Variants in MAP7 observed in about 807,000 individuals in gnomAD.
MAP7 encodes microtubule associated protein 7, also known as ensconsin.
MAP7 carries 52 observed loss-of-function variants against 94.8 expected under a neutral mutation model. The observed-to-expected ratio is 0.55, with a 90% confidence interval of 0.44 to 0.69. MAP7 has a LOEUF of 0.69. Among genes scored for constraint, MAP7 ranks in the 30% least tolerant of loss-of-function variants. The pLI, the probability that MAP7 is intolerant of heterozygous loss-of-function variation, is 0.00. For synonymous variants in MAP7, 350 were observed against 357.0 expected, an observed-to-expected ratio of 0.98 and a Z score of 0.22; for missense variants, 940 against 964.6, an observed-to-expected ratio of 0.97 and a Z score of 0.34.
At chr6:136,383,805 A>G (rs569791683) in intron 5 of MAP7, 24 bp from the exon 6 acceptor site, 5 of 1,388,774 alleles carry the variant, frequency 3.6e-6, no homozygotes, top group African/African-American at 1.4e-5. Context: ...AGATAATGCT[A>G]ATTGACAGCC....
At chr6:136,374,325 G>A (rs1475458250) in intron 7 of MAP7, among the ~76,000 whole-genome samples, 1 of 152,114 alleles carries the variant, frequency 6.6e-6, no homozygotes, top group African/African-American at 2.4e-5. Flanking sequence ...CCACAACAAG[G>A]CATTTGCATT....
At chr6:136,516,839 C>T (rs1352022389) in intron 1 of MAP7, among the ~76,000 whole-genome samples, 2 of 151,934 alleles carry the variant, frequency 1.3e-5, no homozygotes. Flanking sequence ...ATTTGGCATC[C>T]CCAGTGTAAG....
In MAP7 at chr6:136,504,180, T is replaced by C. The variant is rs116480801; in HGVS notation, c.67+46162A>G. Among the ~76,000 whole-genome samples the C allele has an allele frequency of 4.5e-3, 682 of 152,234 alleles. 7 individuals carry two copies. Among genetic ancestry groups the C allele is most frequent in the African/African-American group, 0.016 (651 of 41,536 alleles). On this transcript the variant is annotated intron_variant, in intron 1 of 17. Coordinates refer to ENST00000354570, the MANE Select transcript of MAP7 (RefSeq NM_003980.6). The stretch of plus-strand genomic sequence containing the variant: ...GATGTATTATTTATAGATATATATA[T>C]GTGGTAAAATTACAGAAATGGGCTG...
intron 1 of MAP7, among the ~76,000 whole-genome samples, chr6:136,453,651 A>T (rs1422802555): frequency 6.6e-6 from 1 of 152,208 alleles, no homozygotes; most frequent in Non-Finnish European, 1.5e-5. Flanking sequence ...AAATTTTTGT[A>T]ATTATGCTTA....
At chr6:136,396,352 T>C (rs537804362) in intron 3 of MAP7, among the ~76,000 whole-genome samples, 32 of 152,162 alleles carry the variant, frequency 2.1e-4, no homozygotes, top group Non-Finnish European at 3.1e-4. Context: ...GATTTCTTTT[T>C]CCACTGGTTT....
intron 10 of MAP7, chr6:136,364,172 G>A (rs188941235): frequency 5.1e-5 from 25 of 487,192 alleles, no homozygotes; most frequent in Admixed American, 1.5e-4. Flanking sequence ...CATAAGGCTC[G>A]GCCCTCATTC....
intron 1 of MAP7, among the ~76,000 whole-genome samples, chr6:136,429,633 G>A (rs1215509017): frequency 6.6e-6 from 1 of 152,162 alleles, no homozygotes; most frequent in Non-Finnish European, 1.5e-5. Context: ...GAACTGGGGG[G>A]AATCACCCAC....
chr6:136,484,917 ACTC>A (rs1341828972), intron 1 of MAP7, among the ~76,000 whole-genome samples: 1 of 151,944 alleles, frequency 6.6e-6, no homozygotes, highest in Non-Finnish European at 1.5e-5. Flanking sequence ...CTGGTCTTGA[ACTC>A]CTGGCCTCAA....
intron 8 of MAP7, among the ~76,000 whole-genome samples, chr6:136,370,620 C>T (rs944041100): frequency 2.0e-5 from 3 of 152,058 alleles, no homozygotes; most frequent in African/African-American, 7.3e-5. Context: ...TAAGAATGAA[C>T]CTTGAGGACA....
intron 1 of MAP7, among the ~76,000 whole-genome samples, chr6:136,453,470 A>G (rs917686027): frequency 1.3e-5 from 2 of 152,206 alleles, no homozygotes; most frequent in Non-Finnish European, 2.9e-5. Flanking sequence ...TTTTATTTGC[A>G]TTTGTCATAA....
In MAP7 at chr6:136,454,272, G is replaced by GATCTATCTATCTATCT. The variant is rs57308742; in HGVS notation, c.68-32489_68-32474dup. Among the ~76,000 whole-genome samples the GATCTATCTATCTATCT allele has an allele frequency of 8.2e-3, 1,165 of 141,458 alleles. 7 individuals are homozygous for GATCTATCTATCTATCT. The highest frequency in any genetic ancestry group is 9.4e-3 in the African/African-American group (352 of 37,456). The allele number at this position is 141,458 out of a possible 152,430, so 92.8% of individuals were successfully genotyped here. A position where few individuals can be genotyped will look rare whatever the true frequency, so the allele number is the denominator to read the frequency against. On this transcript the variant is annotated intron_variant, in intron 1 of 17. Transcript: ENST00000354570. ...CATGAAGACTTAACCCTACCTAAAT[G>GATCTATCTATCTATCT]ATCTATCTATCTATCTATCTATCTA...
intron 15 of MAP7, among the ~76,000 whole-genome samples, chr6:136,357,369 T>G (rs907512379): frequency 6.6e-6 from 1 of 152,222 alleles, no homozygotes; most frequent in African/African-American, 2.4e-5. Flanking sequence ...TGACTGCCTC[T>G]AAAATACAGG....
intron 6 of MAP7, among the ~76,000 whole-genome samples, chr6:136,378,103 A>G (rs1298441624): frequency 6.6e-6 from 1 of 152,216 alleles, no homozygotes; most frequent in East Asian, 1.9e-4. Context: ...TTAGTTTTAC[A>G]GATGCAAATT....
intron 8 of MAP7, among the ~76,000 whole-genome samples, chr6:136,368,058 T>C (rs1794767542): frequency 6.6e-6 from 1 of 152,128 alleles, no homozygotes; most frequent in Non-Finnish European, 1.5e-5. Flanking sequence ...TATAAAGGTA[T>C]ATAATCCTAG....
At chr6:136,541,148 T>G (rs1829277967) in intron 1 of MAP7, among the ~76,000 whole-genome samples, 1 of 152,198 alleles carries the variant, frequency 6.6e-6, no homozygotes, top group Non-Finnish European at 1.5e-5. Context: ...CAGGAGCTTC[T>G]GAGAACCAGA....
Position 136,405,686 on chromosome 6 carries a change from A to T in MAP7, c.244+5934T>A, listed in dbSNP as rs77374894. ...GTCACTCTGGCTGCTGTGTTAACAGACTCTGTGGGAGGAGGAGGAAATGAG... is the reference window on the plus strand; with the variant it reads ...GTCACTCTGGCTGCTGTGTTAACAGTCTCTGTGGGAGGAGGAGGAAATGAG... On this transcript the variant is annotated intron_variant, in intron 3 of 17. Coordinates refer to ENST00000354570, the MANE Select transcript of MAP7 (RefSeq NM_003980.6). Among the ~76,000 whole-genome samples the T allele has an allele frequency of 9.0e-3, 1,364 of 152,204 alleles. 59 individuals are homozygous for T. In the East Asian group the frequency reaches 0.14, roughly 15 times the overall value.
chr6:136,468,015 G>A (rs955792386), intron 1 of MAP7, among the ~76,000 whole-genome samples: 5 of 152,068 alleles, frequency 3.3e-5, no homozygotes, highest in African/African-American at 7.2e-5. Flanking sequence ...TGGAACTACC[G>A]ACTCCTTAGG....
chr6:136,502,686 C>T (rs1397721257), intron 1 of MAP7, among the ~76,000 whole-genome samples: 1 of 152,172 alleles, frequency 6.6e-6, no homozygotes, highest in African/African-American at 2.4e-5. Context: ...TGGGTTATAA[C>T]AAAGACCAAG....
chr6:136,391,557 AC>A (rs1780747492), intron 3 of MAP7, among the ~76,000 whole-genome samples: 1 of 131,800 alleles, frequency 7.6e-6, no homozygotes, highest in African/African-American at 3.5e-5. Context: ...ATAATAAAAA[AC>A]AACAACAACA....
Sources: gnomAD v4.1 joint callset for allele counts (sites outside exome capture counted in the v4.1 genomes callset) on GRCh38, gnomAD v4.1.1 for gene constraint, MANE v1.5 for transcripts, NCBI Gene and HGNC (gene_info 2026-07-23, HGNC 2026-07-21) for gene names.